RELN: variants seen among roughly 807,000 people sequenced by gnomAD.
RELN encodes reelin.
Under a neutral mutation model 427.6 loss-of-function variants are expected in RELN, and 108 were observed. The observed-to-expected ratio is 0.25, with a 90% CI of 0.22 to 0.30. The LOEUF is 0.30. RELN is among the 10% of genes least tolerant of loss of function. The pLI, the probability that RELN is intolerant of heterozygous loss-of-function variation, is 1.00. For missense variants in RELN, 3,715 were observed against 4,302.8 expected, an observed-to-expected ratio of 0.86 and a Z score of 3.82; for synonymous variants, 1,524 against 1,513.4, an observed-to-expected ratio of 1.01 and a Z score of -0.16.
chr7:103,909,767 T>G (rs1795313685), intron 2 of RELN, among the ~76,000 whole-genome samples: 2 of 76,626 alleles, frequency 2.6e-5, no homozygotes, highest in Non-Finnish European at 4.7e-5. Flanking sequence ...AATATATATA[T>G]TTAATATATA....
intron 1 of RELN, among the ~76,000 whole-genome samples, chr7:103,964,159 G>A (rs1477859062): frequency 6.6e-6 from 1 of 151,732 alleles, no homozygotes; most frequent in South Asian, 2.1e-4. Flanking sequence ...ACCCTGTCTC[G>A]AAATAATAAT....
intron 3 of RELN, among the ~76,000 whole-genome samples, chr7:103,802,364 T>A (rs138600840): frequency 3.3e-5 from 5 of 152,280 alleles, no homozygotes; most frequent in Non-Finnish European, 7.4e-5. Flanking sequence ...TGATGTAATA[T>A]GTATGTTACT....
intron 24 of RELN, among the ~76,000 whole-genome samples, chr7:103,600,401 C>T (rs1168420302): frequency 6.6e-5 from 10 of 152,118 alleles, no homozygotes; most frequent in Non-Finnish European, 1.5e-4. Flanking sequence ...TGTGACTGGC[C>T]GCCAGGAGTC....
At chr7:103,763,895 A>T (rs1791363384) in intron 4 of RELN, among the ~76,000 whole-genome samples, 1 of 151,374 alleles carries the variant, frequency 6.6e-6, no homozygotes, top group South Asian at 2.1e-4. Context: ...AGGCCTGAAT[A>T]AAAAAAAATG....
Position 103,561,555 on chromosome 7 carries a change from C to T in RELN, c.5506G>A (p.Gly1836Arg). The T allele has an allele frequency of 6.2e-7, 1 of 1,613,642 alleles. No homozygotes were observed. The highest frequency in any genetic ancestry group is 1.1e-5 in the South Asian group (1 of 91,066). Reference protein sequence around the residue: ...GNLNGETIKSGTSLIFKGEGL... With the variant: ...GNLNGETIKSRTSLIFKGEGL... The stretch of plus-strand genomic sequence containing the variant: ...ACCCCTTTAAAAATTAGAGATGTTC[C>T]AGATTTGATGGTTTCACCATTCAGA... Residue 1836 changes from glycine (G) to arginine (R), a missense_variant, in exon 36 of 65, where the codon GGA (glycine) becomes AGA (arginine). This residue lies in a region of RELN where 2,208 missense variants were observed against 2,361.7 expected (regional missense o/e 0.93). Transcript: ENST00000428762.
At position 103,483,785 on chromosome 7, in the gene RELN, C is replaced by T. The variant is rs774709436; in HGVS notation, c.10049G>A (p.Ser3350Asn). 2 of 1,614,082 alleles carry T rather than the reference C, an allele frequency of 1.2e-6. No individual in the cohort carries two copies. The highest frequency in any genetic ancestry group is 1.7e-5 in the Admixed American group (1 of 60,022). ...TGCCTTGTCCACAGCGTGGGGGCCACTCAGGTCACTGTTGCAGCTGTCCGT... is the reference window on the plus strand; with the variant it reads ...TGCCTTGTCCACAGCGTGGGGGCCATTCAGGTCACTGTTGCAGCTGTCCGT... ...SQTDSCNSDL[S>N]GPHAVDKAVL... The change falls in exon 62 of 65, where the codon AGT (serine) becomes AAT (asparagine). Residue 3350 changes from serine to asparagine, a missense_variant. By Grantham distance (46) the Ser-to-Asn change is conservative. Transcript: ENST00000428762.
intron 24 of RELN, among the ~76,000 whole-genome samples, chr7:103,597,703 T>G (rs1023813650): frequency 6.6e-6 from 1 of 152,170 alleles, no homozygotes; most frequent in Non-Finnish European, 1.5e-5. Flanking sequence ...TTTAAATAAA[T>G]TGTTGCAACC....
At chr7:103,760,646 T>C (rs879009071) in intron 4 of RELN, among the ~76,000 whole-genome samples, 1 of 152,092 alleles carries the variant, frequency 6.6e-6, no homozygotes, top group Admixed American at 6.6e-5. Flanking sequence ...AAAAAAGCCT[T>C]TGAGTCAGAC....
At chr7:103,608,959 A>G (rs139025236) in intron 22 of RELN, among the ~76,000 whole-genome samples, 1 of 152,194 alleles carries the variant, frequency 6.6e-6, no homozygotes, top group Non-Finnish European at 1.5e-5. Context: ...GCGGTGGGTC[A>G]TGCCTATAAT....
chr7:103,611,909 GT>G, intron 20 of RELN, 106 bp from the exon 21 acceptor site: 1 of 911,136 alleles, frequency 1.1e-6, no homozygotes, highest in East Asian at 2.6e-5. Flanking sequence ...CATTTTACTT[GT>G]TTAAACCTTG....
At chr7:103,871,110 T>G (rs1403066995) in intron 2 of RELN, among the ~76,000 whole-genome samples, 1 of 152,094 alleles carries the variant, frequency 6.6e-6, no homozygotes, top group Non-Finnish European at 1.5e-5. Flanking sequence ...TTAAGATTGA[T>G]TATGGTGGGT....
chr7:103,477,105 T>A (rs1828062937), intron 64 of RELN, among the ~76,000 whole-genome samples: 1 of 152,174 alleles, frequency 6.6e-6, no homozygotes, highest in Non-Finnish European at 1.5e-5. Flanking sequence ...TTCTTGGAAA[T>A]GATAATGTAA....
chr7:103,503,529 TGTTA>T (rs1224290223), intron 51 of RELN, among the ~76,000 whole-genome samples: 1 of 152,260 alleles, frequency 6.6e-6, no homozygotes, highest in Non-Finnish European at 1.5e-5. Context: ...TCCTACAAAC[TGTTA>T]GTTGTGCTAA....
chr7:103,616,003 A>C (rs1178054051), intron 20 of RELN, among the ~76,000 whole-genome samples: 1 of 152,184 alleles, frequency 6.6e-6, no homozygotes, highest in African/African-American at 2.4e-5. Context: ...AAAGTTCCTT[A>C]AAAGCAAATT....
intron 1 of RELN, among the ~76,000 whole-genome samples, chr7:103,940,200 C>T (rs962947600): frequency 1.3e-5 from 2 of 152,174 alleles, no homozygotes; most frequent in Non-Finnish European, 2.9e-5. Flanking sequence ...AGCAAAAGCG[C>T]TCCAAGACCA....
intron 3 of RELN, among the ~76,000 whole-genome samples, chr7:103,813,629 T>C (rs2116347286): frequency 6.6e-6 from 1 of 152,282 alleles, no homozygotes; most frequent in African/African-American, 2.4e-5. Flanking sequence ...CGACTGAATT[T>C]TCTACGTAAG....
chr7:103,631,193 AG>A (rs1832456922), intron 19 of RELN, among the ~76,000 whole-genome samples: 1 of 152,048 alleles, frequency 6.6e-6, no homozygotes, highest in Non-Finnish European at 1.5e-5. Flanking sequence ...TTGTTGCAAT[AG>A]AAGAAAACAT....
Position 103,495,822 on chromosome 7 carries a change from G to A in RELN, c.9270C>T (p.Ser3090=). 6.2e-7 allele frequency: 1 copy of A among 1,614,022 alleles called. No homozygotes were observed. The highest frequency in any genetic ancestry group is 1.3e-5 in the African/African-American group (1 of 75,012). The part of the protein sequence containing the change: ...VRTAGFCGNP[S]FHLYWPNKKK... ...TTTTATTTGGCCAATAGAGGTGAAA[G>A]GATGGATTGCCACAAAATCCTGCTG... The change falls in exon 57 of 65, where the codon TCC becomes TCT. Residue 3090 remains serine, a synonymous_variant. Coordinates refer to ENST00000428762, the MANE Select transcript of RELN (RefSeq NM_005045.4).
At chr7:103,960,110 A>T (rs1182612991) in intron 1 of RELN, among the ~76,000 whole-genome samples, 1 of 152,104 alleles carries the variant, frequency 6.6e-6, no homozygotes, top group South Asian at 2.1e-4. Flanking sequence ...GAAAAGAAGA[A>T]ATTAGATTAT....
Sources: gnomAD v4.1 joint callset for allele counts (sites outside exome capture counted in the v4.1 genomes callset) on GRCh38, gnomAD v4.1.1 for gene constraint, gnomAD v4.1.1 regional missense constraint, MANE v1.5 for transcripts, NCBI Gene and HGNC (gene_info 2026-07-23, HGNC 2026-07-21) for gene names.